Variants in EEF1AKMT1 observed in about 807,000 individuals in gnomAD.
EEF1AKMT1 encodes the protein EEF1A lysine methyltransferase 1.
Under a neutral mutation model 21.0 loss-of-function variants are expected in EEF1AKMT1, and 18 were observed. The observed-to-expected ratio is 0.86, with a 90% confidence interval of 0.59 to 1.27. The LOEUF (loss-of-function observed/expected upper bound fraction) is 1.27. EEF1AKMT1 is among the 50% of genes most tolerant of loss of function. EEF1AKMT1 has a pLI of 0.00. For synonymous variants in EEF1AKMT1, 109 were observed against 94.8 expected, an observed-to-expected ratio of 1.15 and a Z score of -0.87; for missense variants, 246 against 258.6, an observed-to-expected ratio of 0.95 and a Z score of 0.33.
At chr13:20,749,907 A>G (rs1180742459) in intron 2 of EEF1AKMT1, among the ~76,000 whole-genome samples, 1 of 152,166 alleles carries the variant, frequency 6.6e-6, no homozygotes, top group Non-Finnish European at 1.5e-5. Flanking sequence ...CTGTATCCAG[A>G]ATTTTCATAA....
intron 1 of EEF1AKMT1, among the ~76,000 whole-genome samples, chr13:20,766,104 C>T (rs901657232): frequency 6.6e-6 from 1 of 151,284 alleles, no homozygotes; most frequent in Admixed American, 6.6e-5. Context: ...TCAAGACCAG[C>T]CTGGCCAACA....
intron 1 of EEF1AKMT1, among the ~76,000 whole-genome samples, chr13:20,764,987 C>G (rs901377744): frequency 1.1e-4 from 17 of 151,940 alleles, no homozygotes; most frequent in South Asian, 4.2e-4. Flanking sequence ...CCTGGCCAGG[C>G]ACAGTGGCTC....
In EEF1AKMT1 at chr13:20,729,164, C is replaced by T. The variant is rs1367346952; in HGVS notation, c.561G>A (p.Thr187=). The T allele has an allele frequency of 6.2e-6, 10 of 1,614,060 alleles. No homozygotes were observed. Among genetic ancestry groups the T allele is most frequent in the East Asian group, 2.2e-5 (1 of 44,892 alleles). ...AAELLGVKMC[T]FVPRHTRNLA... is the part of the protein sequence containing the mutation. ...AGTTCCGGGTGTGTCTTGGAACAAA[C>T]GTGCACATCTTCACTCCAAGGAGTT... Residue 187 remains threonine (T), a synonymous_variant, in exon 5 of 5, where the codon ACG becomes ACA. Coordinates refer to ENST00000382758, the MANE Select transcript of EEF1AKMT1 (RefSeq NM_001318939.2).
chr13:20,749,714 G>T (rs904086344), intron 2 of EEF1AKMT1, among the ~76,000 whole-genome samples: 13 of 151,902 alleles, frequency 8.6e-5, no homozygotes, highest in African/African-American at 3.1e-4. Context: ...TTCAAAAAAA[G>T]AAAGAAAAGA....
At chr13:20,767,284 C>T (rs1032220837) in intron 1 of EEF1AKMT1, among the ~76,000 whole-genome samples, 10 of 114,944 alleles carry the variant, frequency 8.7e-5, no homozygotes, top group African/African-American at 1.4e-4. Flanking sequence ...CCTGCCTGGG[C>T]GACAAAGCGA....
intron 2 of EEF1AKMT1, among the ~76,000 whole-genome samples, chr13:20,753,262 G>A (rs1360664876): frequency 6.6e-6 from 1 of 152,004 alleles, no homozygotes; most frequent in Non-Finnish European, 1.5e-5. Context: ...TCCTGTTATT[G>A]ATTTCTAGTT....
At position 20,729,065 on chromosome 13, in the gene EEF1AKMT1, T is replaced by C; in HGVS notation, c.*15A>G. On this transcript the variant is annotated 3_prime_UTR_variant, in exon 5 of 5. Coordinates refer to ENST00000382758, the MANE Select transcript of EEF1AKMT1 (RefSeq NM_001318939.2). ...TGTGACAGGGTTCCTTCCTGTGTTA[T>C]GTCACCGTCTGTAATCAGATCCCAC... 6.2e-7 allele frequency: 1 copy of C among 1,614,150 alleles called. No homozygotes were observed. Among genetic ancestry groups the C allele is most frequent in the Non-Finnish European group, 8.5e-7 (1 of 1,179,994 alleles).
chr13:20,770,289 T>A (rs1595033756), intron 1 of EEF1AKMT1, among the ~76,000 whole-genome samples: 1 of 150,276 alleles, frequency 6.7e-6, no homozygotes, highest in African/African-American at 2.5e-5. Flanking sequence ...GAATTGTGGT[T>A]GCTAGGGGCT....
intron 2 of EEF1AKMT1, chr13:20,747,341 T>C (rs1273580071): frequency 2.5e-5 from 6 of 240,008 alleles, no homozygotes; most frequent in Admixed American, 2.0e-4. Context: ...ATTCTTCTTT[T>C]GGTGGAAGAG....
At chr13:20,732,465 G>A (rs1295003716) in intron 3 of EEF1AKMT1, among the ~76,000 whole-genome samples, 1 of 152,122 alleles carries the variant, frequency 6.6e-6, no homozygotes, top group Non-Finnish European at 1.5e-5. Flanking sequence ...CAAGTAGCTG[G>A]GATTACAGGC....
At chr13:20,766,466 T>C (rs1490405003) in intron 1 of EEF1AKMT1, among the ~76,000 whole-genome samples, 2 of 152,322 alleles carry the variant, frequency 1.3e-5, no homozygotes, top group African/African-American at 4.8e-5. Context: ...TTTATGAATC[T>C]ATTTCTTTCT....
At chr13:20,729,522 T>C (rs1052333978) in intron 4 of EEF1AKMT1, among the ~76,000 whole-genome samples, 6 of 152,008 alleles carry the variant, frequency 3.9e-5, no homozygotes, top group East Asian at 1.9e-4. Flanking sequence ...TATATATATA[T>C]ACACACATAT....
intron 1 of EEF1AKMT1, chr13:20,769,478 G>A (rs996687579): frequency 2.0e-5 from 3 of 152,134 alleles, no homozygotes; most frequent in Non-Finnish European, 2.9e-5. Flanking sequence ...ATCCCTTCGG[G>A]AAGCCAGATA....
intron 4 of EEF1AKMT1, among the ~76,000 whole-genome samples, chr13:20,731,231 A>C (rs2058793721): frequency 6.6e-6 from 1 of 152,232 alleles, no homozygotes; most frequent in African/African-American, 2.4e-5. Flanking sequence ...AGCCTGGTCT[A>C]GAACTCCTTG....
At chr13:20,761,245 C>T (rs142815863) in intron 1 of EEF1AKMT1, among the ~76,000 whole-genome samples, 244 of 152,298 alleles carry the variant, frequency 1.6e-3, no homozygotes, top group African/African-American at 5.1e-3. Context: ...CCCATCCTCT[C>T]CCACCTCAAT....
chr13:20,740,547 G>A (rs2058863681), intron 2 of EEF1AKMT1, among the ~76,000 whole-genome samples: 1 of 152,252 alleles, frequency 6.6e-6, no homozygotes, highest in South Asian at 2.1e-4. Context: ...GCTCACGCCT[G>A]TAATCCCAGC....
At chr13:20,751,724 T>TA (rs772008498) in intron 2 of EEF1AKMT1, among the ~76,000 whole-genome samples, 20 of 152,120 alleles carry the variant, frequency 1.3e-4, no homozygotes, top group Non-Finnish European at 2.8e-4. Context: ...TTGTACTGGA[T>TA]ATATACATTG....
rs143067588 is a variant in EEF1AKMT1 at position 20,740,828 on chromosome 13, C to T, written c.145-3023G>A. ...AAAACAAAAAAACCATTGACTTCTA[C>T]ACTTTTAAAAGGTGAATTTATGGTA... On this transcript the variant is annotated intron_variant, in intron 2 of 4. Coordinates refer to ENST00000382758, the MANE Select transcript of EEF1AKMT1 (RefSeq NM_001318939.2). Among the ~76,000 whole-genome samples the T allele has an allele frequency of 9.3e-3, 1,416 of 151,496 alleles. 9 individuals are homozygous for T. The highest frequency in any genetic ancestry group is 0.016 in the Non-Finnish European group (1,095 of 67,724).
At chr13:20,772,586 T>C (rs1256945622) in intron 1 of EEF1AKMT1, among the ~76,000 whole-genome samples, 2 of 152,156 alleles carry the variant, frequency 1.3e-5, no homozygotes, top group African/African-American at 2.4e-5. Context: ...GGAGGCCCTC[T>C]ATAGAGAAGC....
Sources: allele counts gnomAD v4.1 joint callset (sites outside exome capture counted in the v4.1 genomes callset), GRCh38; gene constraint gnomAD v4.1.1; transcripts MANE v1.5; gene names NCBI Gene and HGNC (gene_info 2026-07-23, HGNC 2026-07-21).